The following TMC2 variants were observed in gnomAD, a reference collection of about 807,000 sequenced individuals.
TMC2 encodes the protein transmembrane channel-like protein 2.
A neutral mutation model predicts 105.9 loss-of-function variants in TMC2; 102 were observed. The ratio of observed to expected loss-of-function variants is 0.96; its 90% CI spans 0.82 to 1.14. The LOEUF (loss-of-function observed/expected upper bound fraction) is 1.14. Ranked by LOEUF, TMC2 falls within the 50% of genes most tolerant of loss-of-function variation. TMC2 has a pLI of 0.00. For synonymous variants in TMC2, 402 were observed against 422.8 expected, an observed-to-expected ratio of 0.95 and a Z score of 0.60; for missense variants, 1,093 against 1,134.3, an observed-to-expected ratio of 0.96 and a Z score of 0.52.
Position 2,624,384 on chromosome 20 carries a change from T to A in TMC2, c.2294T>A (p.Ile765Asn). 1 of 1,613,740 alleles carries A rather than the reference T, an allele frequency of 6.2e-7. No homozygotes were observed. Among genetic ancestry groups the A allele is most frequent in the Non-Finnish European group, 8.5e-7 (1 of 1,179,864 alleles). ...LANPGLIIPA[I>N]LLMFLAIYYL... is the part of the protein sequence containing the mutation. ...AATCCAGGCCTGATCATCCCAGCCATCCTGCTGATGTTGTAAGTTAGCCAG... is the reference window on the plus strand; with the variant it reads ...AATCCAGGCCTGATCATCCCAGCCAACCTGCTGATGTTGTAAGTTAGCCAG... Residue 765 changes from isoleucine to asparagine, a missense_variant, in exon 17 of 20, where the codon ATC becomes AAC. Transcript: ENST00000358864.
chr20:2,593,496 T>C (rs2086283379), intron 8 of TMC2, among the ~76,000 whole-genome samples: 1 of 152,228 alleles, frequency 6.6e-6, no homozygotes, highest in Non-Finnish European at 1.5e-5. Flanking sequence ...AAGGTGCTAT[T>C]GCCAATGTAC....
intron 17 of TMC2, among the ~76,000 whole-genome samples, chr20:2,631,492 C>A (rs1026572853): frequency 2.6e-5 from 4 of 152,226 alleles, no homozygotes; most frequent in African/African-American, 9.6e-5. Context: ...CTGGGAATGA[C>A]TTAATTTCTC....
chr20:2,586,426 T>C (rs976424706), intron 7 of TMC2, among the ~76,000 whole-genome samples: 1 of 152,178 alleles, frequency 6.6e-6, no homozygotes, highest in Non-Finnish European at 1.5e-5. Flanking sequence ...AAGAAATACC[T>C]GAGGCTGGGT....
chr20:2,638,635 T>C (rs910201113), intron 19 of TMC2, among the ~76,000 whole-genome samples: 1 of 152,008 alleles, frequency 6.6e-6, no homozygotes, highest in Middle Eastern at 3.2e-3. Flanking sequence ...GATGTGGAGG[T>C]GGAAGACAGT....
chr20:2,581,540 G>A (rs2422797), intron 7 of TMC2, among the ~76,000 whole-genome samples: 16,245 of 152,246 alleles, frequency 0.11, 993 homozygotes, highest in African/African-American at 0.15. Flanking sequence ...AAAGCTAATA[G>A]GAAGTCTCAT....
At chr20:2,612,861 T>G (rs1349043797) in intron 13 of TMC2, among the ~76,000 whole-genome samples, 1 of 152,238 alleles carries the variant, frequency 6.6e-6, no homozygotes, top group African/African-American at 2.4e-5. Flanking sequence ...ATGACTACGA[T>G]GCATTGGGCA....
chr20:2,632,189 T>C (rs1405061314), intron 17 of TMC2, among the ~76,000 whole-genome samples: 4 of 152,090 alleles, frequency 2.6e-5, no homozygotes, highest in Admixed American at 6.5e-5. Context: ...ACCTAGCTAA[T>C]TTGTGTATTT....
chr20:2,613,137 G>A (rs1255400561), intron 13 of TMC2, 57 bp from the exon 14 acceptor site: 4 of 1,575,752 alleles, frequency 2.5e-6, no homozygotes, highest in Non-Finnish European at 3.4e-6. Context: ...CTCTCAGGGA[G>A]GGTGGGAGAA....
In TMC2 at chr20:2,606,884, C is replaced by CTT. The variant is rs1276064402; in HGVS notation, c.1414-3530_1414-3529dup. 1.9e-3 allele frequency among the ~76,000 whole-genome samples: 169 copies of CTT among 88,220 alleles called. 4 individuals are homozygous for CTT. The highest frequency in any genetic ancestry group is 9.4e-3 in the African/African-American group (156 of 16,628). The allele number at this position is 88,220 out of a possible 152,430, so 57.9% of individuals were successfully genotyped here. A position where few individuals can be genotyped will look rare whatever the true frequency, so the allele number is the denominator to read the frequency against. ...TTTTAATATAGTTTTCCCTTAATTT[C>CTT]TTTTTTCTTTTTTTTTTTTTTTTTT... On this transcript the variant is annotated intron_variant, in intron 11 of 19. Transcript: ENST00000358864.
At position 2,642,566 on chromosome 20, in the gene TMC2, G is replaced by A. The variant is rs1455187189; in HGVS notation, c.*1215G>A. The stretch of plus-strand genomic sequence containing the variant: ...GGTACAATGCAGAGCGTTGTCTCTG[G>A]GGATTCTATGTTCACTTAGTGTCAT... On this transcript the variant is annotated 3_prime_UTR_variant, in exon 20 of 20. Transcript: ENST00000358864. Among the ~76,000 whole-genome samples, 1 of 152,152 alleles carries A rather than the reference G, an allele frequency of 6.6e-6. No individual in the cohort carries two copies. Among genetic ancestry groups the A allele is most frequent in the Non-Finnish European group, 1.5e-5 (1 of 68,020 alleles).
chr20:2,582,998 T>C (rs1345238372), intron 7 of TMC2, among the ~76,000 whole-genome samples: 3 of 152,206 alleles, frequency 2.0e-5, no homozygotes, highest in African/African-American at 2.4e-5. Flanking sequence ...GACAAGTTTA[T>C]GTACTTCTCT....
intron 16 of TMC2, among the ~76,000 whole-genome samples, chr20:2,619,247 A>G (rs2086507520): frequency 6.6e-6 from 1 of 151,976 alleles, no homozygotes. Flanking sequence ...GTAGATCTCC[A>G]CACCTCAATC....
At chr20:2,569,927 T>C (rs1373809137) in intron 4 of TMC2, among the ~76,000 whole-genome samples, 1 of 152,200 alleles carries the variant, frequency 6.6e-6, no homozygotes, top group African/African-American at 2.4e-5. Flanking sequence ...TGATAAAATC[T>C]AATATTCCTT....
chr20:2,608,202 A>G (rs1434846299), intron 11 of TMC2, among the ~76,000 whole-genome samples: 1 of 150,270 alleles, frequency 6.7e-6, no homozygotes, highest in Non-Finnish European at 1.5e-5. Context: ...TATTTTTAGT[A>G]TGAAGATGCA....
chr20:2,582,072 G>A (rs895569638), intron 7 of TMC2, among the ~76,000 whole-genome samples: 9 of 152,186 alleles, frequency 5.9e-5, no homozygotes, highest in Admixed American at 3.9e-4. Context: ...AAGAGGCTTA[G>A]ACCAGGTAGC....
intron 16 of TMC2, among the ~76,000 whole-genome samples, chr20:2,620,582 A>T (rs562275410): frequency 4.7e-4 from 71 of 152,354 alleles, no homozygotes; most frequent in African/African-American, 1.6e-3. Context: ...TGACAATATT[A>T]TATCAGCGGA....
In TMC2 at chr20:2,538,635, T is replaced by C. The variant is rs193099057; in HGVS notation, c.82+1319T>C. 1.9e-3 allele frequency among the ~76,000 whole-genome samples: 295 copies of C among 152,308 alleles called. 1 individual carries two copies. The highest frequency in any genetic ancestry group is 6.8e-3 in the African/African-American group (281 of 41,570). ...GGACTCCCCTGTGAGCAGTAGTCCTTAGTAGGACTGAAATGGAAGACCATT... is the reference window on the plus strand; with the variant it reads ...GGACTCCCCTGTGAGCAGTAGTCCTCAGTAGGACTGAAATGGAAGACCATT... On this transcript the variant is annotated intron_variant, in intron 2 of 19. Coordinates refer to ENST00000358864, the MANE Select transcript of TMC2 (RefSeq NM_080751.3).
At chr20:2,581,478 C>T (rs61584484) in intron 7 of TMC2, among the ~76,000 whole-genome samples, 4,124 of 152,320 alleles carry the variant, frequency 0.027, 173 homozygotes, top group African/African-American at 0.091. Flanking sequence ...GTCAAGCGTA[C>T]ACAAACACTC....
At chr20:2,617,542 G>A (rs2086493730) in intron 16 of TMC2, 2 of 560,108 alleles carry the variant, frequency 3.6e-6, no homozygotes, top group Admixed American at 6.7e-5. Flanking sequence ...GCCGTTGAGT[G>A]CTTGAAATGA....
Sources: gnomAD v4.1 joint callset for allele counts (sites outside exome capture counted in the v4.1 genomes callset) on GRCh38, gnomAD v4.1.1 for gene constraint, MANE v1.5 for transcripts, NCBI Gene and HGNC (gene_info 2026-07-23, HGNC 2026-07-21) for gene names.